Variants in L3MBTL4 observed in about 807,000 individuals in gnomAD.
L3MBTL4 encodes the protein L3MBTL histone methyl-lysine binding protein 4.
A neutral mutation model predicts 84.5 loss-of-function variants in L3MBTL4; 70 were observed. That is an observed-to-expected ratio of 0.83 (90% CI 0.68 to 1.01). The LOEUF is 1.01. Among genes scored for constraint, L3MBTL4 ranks in the 50% least tolerant of loss-of-function variants. The probability of loss-of-function intolerance (pLI) is 0.00; values close to 1 mark genes in which losing one functional copy is unlikely to be tolerated. For missense variants in L3MBTL4, 715 were observed against 754.8 expected (o/e 0.95, Z 0.62); for synonymous variants, 274 against 259.8 (o/e 1.05, Z -0.52).
intron 16 of L3MBTL4, among the ~76,000 whole-genome samples, chr18:6,050,418 C>T (rs1036478222): frequency 3.3e-5 from 5 of 152,226 alleles, no homozygotes; most frequent in African/African-American, 1.2e-4. Context: ...AGCAATTAAC[C>T]TTGTAGACTT....
intron 10 of L3MBTL4, among the ~76,000 whole-genome samples, chr18:6,232,266 T>C (rs976275416): frequency 3.9e-5 from 6 of 152,158 alleles, no homozygotes; most frequent in African/African-American, 1.2e-4. Flanking sequence ...ATCTTTTTCA[T>C]ATACTGTTGA....
At chr18:6,141,818 T>A (rs113027870) in intron 13 of L3MBTL4, among the ~76,000 whole-genome samples, 5 of 152,206 alleles carry the variant, frequency 3.3e-5, no homozygotes, top group Non-Finnish European at 5.9e-5. Context: ...AAATCACAGA[T>A]ACAATCATAT....
intron 1 of L3MBTL4, among the ~76,000 whole-genome samples, chr18:6,389,047 CA>C (rs2054938416): frequency 1.3e-5 from 2 of 152,088 alleles, no homozygotes; most frequent in African/African-American, 4.8e-5. Context: ...TCTGATTTGT[CA>C]CAAGGTACAG....
chr18:6,085,098 T>C (rs913781375), intron 15 of L3MBTL4, among the ~76,000 whole-genome samples: 2 of 152,356 alleles, frequency 1.3e-5, no homozygotes, highest in Middle Eastern at 3.4e-3. Flanking sequence ...TCATACAGTA[T>C]GTTTAGTTTG....
At chr18:6,102,223 T>C (rs772135270) in intron 14 of L3MBTL4, among the ~76,000 whole-genome samples, 1 of 152,198 alleles carries the variant, frequency 6.6e-6, no homozygotes, top group Non-Finnish European at 1.5e-5. Flanking sequence ...ATACCAGTCA[T>C]GTATCTGGTA....
At chr18:6,343,655 C>T (rs867203376) in intron 1 of L3MBTL4, among the ~76,000 whole-genome samples, 12 of 135,376 alleles carry the variant, frequency 8.9e-5, no homozygotes, top group Non-Finnish European at 1.5e-4. Context: ...GAGCGAGACA[C>T]CATATCAAAA....
At chr18:5,984,097 A>G (rs2053359745) in intron 16 of L3MBTL4, among the ~76,000 whole-genome samples, 1 of 152,184 alleles carries the variant, frequency 6.6e-6, no homozygotes, top group Non-Finnish European at 1.5e-5. Context: ...TTTTTAGTAC[A>G]GATGGGTTTT....
Position 6,368,509 on chromosome 18 carries a change from T to G in L3MBTL4, c.-91+46292A>C, listed in dbSNP as rs1263278090. 2.0e-5 allele frequency among the ~76,000 whole-genome samples: 3 copies of G among 152,142 alleles called. No individual in the cohort carries two copies. The East Asian group carries it at 5.8e-4, about 29-fold the overall frequency. On this transcript the variant is annotated intron_variant, in intron 1 of 18. Transcript: ENST00000317931. The stretch of plus-strand genomic sequence containing the variant: ...CTGCCAAGGTCCCTGCTAAGCACTT[T>G]CCATGCATTAACTCGTGGAACTTCA...
intron 16 of L3MBTL4, among the ~76,000 whole-genome samples, chr18:6,002,836 C>T (rs189965128): frequency 2.2e-4 from 34 of 151,788 alleles, no homozygotes; most frequent in African/African-American, 7.7e-4. Flanking sequence ...CAGTAAGTCC[C>T]TCCTTCTTAG....
intron 8 of L3MBTL4, among the ~76,000 whole-genome samples, chr18:6,240,530 C>A (rs1198608510): frequency 1.3e-5 from 2 of 151,914 alleles, no homozygotes; most frequent in African/African-American, 4.8e-5. Flanking sequence ...ATAACAATTA[C>A]AAACCCACCC....
intron 10 of L3MBTL4, among the ~76,000 whole-genome samples, chr18:6,236,756 C>T (rs1285805802): frequency 6.6e-6 from 1 of 152,108 alleles, no homozygotes; most frequent in African/African-American, 2.4e-5. Flanking sequence ...CCTTTCTAGA[C>T]CAAACAGGCA....
At chr18:6,413,780 C>T (rs894174044) in intron 1 of L3MBTL4, among the ~76,000 whole-genome samples, 1 of 152,182 alleles carries the variant, frequency 6.6e-6, no homozygotes, top group Non-Finnish European at 1.5e-5. Flanking sequence ...CAGCTGCCTT[C>T]CTCTGACTGT....
intron 1 of L3MBTL4, among the ~76,000 whole-genome samples, chr18:6,343,676 A>AAG (rs1568525385): frequency 6.6e-6 from 1 of 151,788 alleles, no homozygotes; most frequent in African/African-American, 2.4e-5. Context: ...AAAAAAAAAA[A>AAG]AAGAAGTTGT....
At chr18:6,388,594 T>A (rs341202) in intron 1 of L3MBTL4, among the ~76,000 whole-genome samples, 78,552 of 151,866 alleles carry the variant, frequency 0.52, 20,376 homozygotes, top group East Asian at 0.59. Context: ...GAGAGGGAAA[T>A]GGCTAAAATG....
Position 5,961,311 on chromosome 18 carries a change from C to T in L3MBTL4, c.1615-1155G>A, listed in dbSNP as rs147897544. 6.7e-3 allele frequency among the ~76,000 whole-genome samples: 1,026 copies of T among 152,316 alleles called. 5 individuals are homozygous for T. The highest frequency in any genetic ancestry group is 0.01 in the Middle Eastern group (3 of 294). Reference sequence around the variant, plus strand: ...ACGCTGCCCCTGACGGTGCAGGAGACAGCACCAGGTGTTTGCTGATCCCAG... The same window carrying T: ...ACGCTGCCCCTGACGGTGCAGGAGATAGCACCAGGTGTTTGCTGATCCCAG... On this transcript the variant is annotated intron_variant, in intron 17 of 18. Coordinates refer to ENST00000317931, the MANE Select transcript of L3MBTL4 (RefSeq NM_001330559.2).
intron 1 of L3MBTL4, among the ~76,000 whole-genome samples, chr18:6,385,680 T>C (rs1017023224): frequency 6.6e-6 from 1 of 152,226 alleles, no homozygotes; most frequent in African/African-American, 2.4e-5. Context: ...CCTTAATTAT[T>C]AGTTATATAA....
intron 13 of L3MBTL4, among the ~76,000 whole-genome samples, chr18:6,168,316 GA>G (rs1598987426): frequency 1.3e-5 from 2 of 152,048 alleles, no homozygotes; most frequent in South Asian, 4.2e-4. Context: ...CACAAAATTG[GA>G]AAAAAGCTAC....
At chr18:5,995,399 A>G (rs1046086262) in intron 16 of L3MBTL4, among the ~76,000 whole-genome samples, 2 of 152,126 alleles carry the variant, frequency 1.3e-5, no homozygotes, top group Non-Finnish European at 2.9e-5. Flanking sequence ...TATTCAACAT[A>G]CTACAGACTA....
chr18:6,185,994 A>ATCTTATCTTATCTTATCTTATCTTATC (rs1555682332), intron 12 of L3MBTL4, among the ~76,000 whole-genome samples: 3 of 145,994 alleles, frequency 2.1e-5, no homozygotes, highest in African/African-American at 8.0e-5. Context: ...ATTTTATTTT[A>ATCTTATCTTATCTTATCTTATCTTATC]TTATTTTATA....
Sources: allele counts gnomAD v4.1 joint callset (sites outside exome capture counted in the v4.1 genomes callset), GRCh38; gene constraint gnomAD v4.1.1; transcripts MANE v1.5; gene names NCBI Gene and HGNC (gene_info 2026-07-23, HGNC 2026-07-21).